KANSL1L: variants seen among roughly 807,000 people sequenced by gnomAD.
KANSL1L encodes KAT8 regulatory NSL complex subunit 1-like protein.
In KANSL1L, 25 loss-of-function variants were observed where a neutral mutation model predicts 108.6. The ratio of observed to expected loss-of-function variants is 0.23; its 90% confidence interval spans 0.17 to 0.32. The LOEUF is 0.32. KANSL1L is among the 10% of genes least tolerant of loss of function. The pLI is 1.00. For synonymous variants in KANSL1L, 405 were observed against 395.1 expected, an observed-to-expected ratio of 1.03 and a Z score of -0.30; for missense variants, 1,137 against 1,125.7, an observed-to-expected ratio of 1.01 and a Z score of -0.14.
At chr2:210,026,101 C>T (rs2093933269) in intron 12 of KANSL1L, among the ~76,000 whole-genome samples, 1 of 152,098 alleles carries the variant, frequency 6.6e-6, no homozygotes, top group Non-Finnish European at 1.5e-5. Context: ...TGGAATACTA[C>T]CTTAGTTAGG....
chr2:210,049,286 C>A (rs1295910250), intron 6 of KANSL1L, among the ~76,000 whole-genome samples: 1 of 151,832 alleles, frequency 6.6e-6, no homozygotes, highest in South Asian at 2.1e-4. Context: ...CTCTTCCACC[C>A]CCCCACCCCT....
At position 210,152,230 on chromosome 2, in the gene KANSL1L, T is replaced by G. The variant is rs566381988; in HGVS notation, c.1088+1265A>C. 5.9e-5 allele frequency: 9 copies of G among 152,318 alleles called. No homozygotes were observed. In the East Asian group the frequency reaches 1.3e-3, roughly 23 times the overall value. 9.4% of individuals were successfully genotyped at this position (152,318 alleles called of 1,614,324 possible). A position where few individuals can be genotyped will look rare whatever the true frequency, so the allele number is the denominator to read the frequency against. On this transcript the variant is annotated intron_variant, in intron 2 of 14. Coordinates refer to ENST00000281772, the MANE Select transcript of KANSL1L (RefSeq NM_152519.4). ...AAAATGCTATATATACAAACAATAA[T>G]TCACATCAATTTGGGGACAGTAATA...
chr2:210,166,107 T>C (rs1687942328), intron 1 of KANSL1L, among the ~76,000 whole-genome samples: 2 of 152,140 alleles, frequency 1.3e-5, no homozygotes, highest in African/African-American at 4.8e-5. Context: ...AAAATAAAGA[T>C]GGACTACTGT....
At chr2:210,040,042 A>G (rs1481365405) in intron 8 of KANSL1L, among the ~76,000 whole-genome samples, 1 of 151,754 alleles carries the variant, frequency 6.6e-6, no homozygotes, top group African/African-American at 2.4e-5. Flanking sequence ...TAGTCTTCCC[A>G]TTGTGCTTTA....
At chr2:210,078,812 G>T (rs2094559952) in intron 5 of KANSL1L, among the ~76,000 whole-genome samples, 2 of 152,070 alleles carry the variant, frequency 1.3e-5, no homozygotes, top group Admixed American at 6.6e-5. Context: ...AGGAGATGAT[G>T]ATTCAGGTAA....
rs901125613 is a variant in KANSL1L, at chr2:210,035,975, C to T, written c.2030-4429G>A. Among the ~76,000 whole-genome samples, 4 of 152,138 alleles carry T rather than the reference C, an allele frequency of 2.6e-5. 1 individual carries two copies. The highest frequency in any genetic ancestry group is 4.1e-4 in the South Asian group (2 of 4,830). Reference sequence around the variant, plus strand: ...AGACTCTGCATTCTAACAATATCCCCGAAGTAACTTGCTTACATTTTAAAG... The same window carrying T: ...AGACTCTGCATTCTAACAATATCCCTGAAGTAACTTGCTTACATTTTAAAG... On this transcript the variant is annotated intron_variant, in intron 8 of 14. Coordinates refer to ENST00000281772, the MANE Select transcript of KANSL1L (RefSeq NM_152519.4).
chr2:210,055,114 C>T (rs1344305651), intron 6 of KANSL1L, among the ~76,000 whole-genome samples: 1 of 152,158 alleles, frequency 6.6e-6, no homozygotes, highest in African/African-American at 2.4e-5. Flanking sequence ...GGGGTAGTTA[C>T]CCCCATGCTG....
rs548571584 is a variant in KANSL1L, at chr2:210,077,507, G to A, written c.1551-1751C>T. ...AACAGGCTAAGTGGCTAGCATAGAA[G>A]TGAGTCGAGGTCAAGAAGAAGACAG... On this transcript the variant is annotated intron_variant, in intron 5 of 14. Coordinates refer to ENST00000281772, the MANE Select transcript of KANSL1L (RefSeq NM_152519.4). Among the ~76,000 whole-genome samples, 16 of 152,214 alleles carry A rather than the reference G, an allele frequency of 1.1e-4. No individual in the cohort carries two copies. The South Asian group carries it at 1.5e-3, about 14-fold the overall frequency.
At chr2:210,057,105 G>A (rs1174364755) in intron 6 of KANSL1L, among the ~76,000 whole-genome samples, 1 of 152,104 alleles carries the variant, frequency 6.6e-6, no homozygotes, top group East Asian at 1.9e-4. Flanking sequence ...AAATTATGTT[G>A]TTTAAGATCT....
chr2:210,144,799 A>G (rs966992374), intron 2 of KANSL1L, among the ~76,000 whole-genome samples: 2 of 152,166 alleles, frequency 1.3e-5, no homozygotes, highest in Middle Eastern at 3.2e-3. Flanking sequence ...TTATCTGCCA[A>G]GATATTCATA....
chr2:210,109,077 C>G (rs2094879430), intron 3 of KANSL1L, among the ~76,000 whole-genome samples: 3 of 152,096 alleles, frequency 2.0e-5, no homozygotes, highest in Admixed American at 6.6e-5. Context: ...CCCCCAAAGT[C>G]ATACTGAGAT....
At chr2:210,118,301 T>C (rs1220394682) in intron 3 of KANSL1L, among the ~76,000 whole-genome samples, 1 of 150,142 alleles carries the variant, frequency 6.7e-6, no homozygotes, top group African/African-American at 2.5e-5. Flanking sequence ...AAACCTTGTC[T>C]CTACTAAAAA....
At position 210,154,013 on chromosome 2, in the gene KANSL1L, C is replaced by T. The variant is rs1181558644; in HGVS notation, c.570G>A (p.Lys190=). Residue 190 remains lysine, a synonymous_variant, in exon 2 of 15, where the codon AAG becomes AAA. Transcript: ENST00000281772. ...LDKVTDAEIK[K]GLLHCTQKKI... is the part of the protein sequence containing the mutation. ...TCTTTTGAGTACAGTGCAATAAACC[C>T]TTTTTAATCTCAGCATCAGTAACTT... 26 of 1,613,764 alleles carry T rather than the reference C, an allele frequency of 1.6e-5. No individual in the cohort carries two copies. The highest frequency in any genetic ancestry group is 2.2e-5 in the Non-Finnish European group (26 of 1,180,012).
intron 5 of KANSL1L, 91 bp from the exon 6 acceptor site, chr2:210,075,847 C>A: frequency 1.1e-6 from 1 of 938,414 alleles, no homozygotes. Flanking sequence ...TGTAAATTGC[C>A]TTGATCTATT....
intron 5 of KANSL1L, among the ~76,000 whole-genome samples, chr2:210,082,127 C>G (rs548552966): frequency 2.0e-5 from 3 of 152,212 alleles, no homozygotes; most frequent in African/African-American, 7.2e-5. Context: ...CAGACAGAGT[C>G]TCGTCAAATT....
At chr2:210,162,226 A>ATATATATATATG (rs1471995448) in intron 1 of KANSL1L, among the ~76,000 whole-genome samples, 2 of 141,256 alleles carry the variant, frequency 1.4e-5, no homozygotes, top group Non-Finnish European at 3.1e-5. Flanking sequence ...GTTCAGGTAT[A>ATATATATATATG]TATATATATA....
intron 2 of KANSL1L, chr2:210,151,458 G>C (rs1369663399): frequency 1.3e-5 from 2 of 152,144 alleles, no homozygotes; most frequent in Non-Finnish European, 2.9e-5. Context: ...TACAAAAATT[G>C]GTAAATTTTC....
At chr2:210,071,083 G>A (rs964405731) in intron 6 of KANSL1L, among the ~76,000 whole-genome samples, 7 of 151,622 alleles carry the variant, frequency 4.6e-5, no homozygotes, top group Admixed American at 1.3e-4. Context: ...GCTTGAACCC[G>A]GGAGGCGGAG....
intron 3 of KANSL1L, among the ~76,000 whole-genome samples, chr2:210,120,693 A>C (rs2095008375): frequency 6.6e-6 from 1 of 152,232 alleles, no homozygotes; most frequent in Non-Finnish European, 1.5e-5. Context: ...AGAAACTATC[A>C]ACAGAGTAAA....
Sources: allele counts gnomAD v4.1 joint callset (sites outside exome capture counted in the v4.1 genomes callset), GRCh38; gene constraint gnomAD v4.1.1; transcripts MANE v1.5; gene names NCBI Gene and HGNC (gene_info 2026-07-23, HGNC 2026-07-21).